The following COL6A2 variants were observed in gnomAD, a reference collection of about 807,000 sequenced individuals.
COL6A2 encodes the protein collagen alpha-2(VI) chain.
Under a neutral mutation model 124.9 loss-of-function variants are expected in COL6A2, and 90 were observed. The ratio of observed to expected loss-of-function variants is 0.72; its 90% CI spans 0.61 to 0.86. The LOEUF is 0.86. COL6A2 is among the 40% of genes least tolerant of loss of function. The probability of loss-of-function intolerance (pLI) is 0.00; values close to 1 mark genes in which losing one functional copy is unlikely to be tolerated. For missense variants in COL6A2, 1,607 were observed against 1,502.5 expected, an observed-to-expected ratio of 1.07 and a Z score of -1.15; for synonymous variants, 793 against 618.2, an observed-to-expected ratio of 1.28 and a Z score of -4.19.
At chr21:46,123,741 T>C (rs889775253) in intron 21 of COL6A2, among the ~76,000 whole-genome samples, 7 of 130,874 alleles carry the variant, frequency 5.3e-5, no homozygotes, top group Non-Finnish European at 1.3e-4. Context: ...GGTTAGATGA[T>C]GGATGGCTGA....
At chr21:46,121,224 AC>A in intron 17 of COL6A2, 101 bp downstream of exon 17, 1 of 1,199,122 alleles carries the variant, frequency 8.3e-7, no homozygotes, top group Non-Finnish European at 1.2e-6. Flanking sequence ...CCCATAGCAA[AC>A]CCAGGCAGCA....
At chr21:46,118,473 G>A (rs997186289) in intron 12 of COL6A2, 141 bp from the exon 13 acceptor site, 3 of 762,242 alleles carry the variant, frequency 3.9e-6, no homozygotes, top group Non-Finnish European at 6.8e-6. Flanking sequence ...CCCCCAGCCA[G>A]CATCTGGCAT....
chr21:46,114,136 T>C (rs2078440074), intron 5 of COL6A2, 63 bp downstream of exon 5: 2 of 1,450,754 alleles, frequency 1.4e-6, no homozygotes, highest in African/African-American at 1.4e-5. Flanking sequence ...TGTTTTGAAA[T>C]CCACACTTGG....
rs754148263 is a variant in COL6A2 at position 46,121,061 on chromosome 21, G to A, written c.1396G>A (p.Gly466Arg). 1 of 1,612,756 alleles carries A rather than the reference G, an allele frequency of 6.2e-7. No homozygotes were observed. Among genetic ancestry groups the A allele is most frequent in the Non-Finnish European group, 8.5e-7 (1 of 1,179,924 alleles). The change falls in exon 17 of 28, where the codon GGA (glycine) becomes AGA (arginine). Residue 466 changes from glycine (G) to arginine (R), a missense_variant and splice_region_variant. By Grantham distance (125) the Gly-to-Arg change is moderately radical. This residue lies in a region of COL6A2 where 1,223 missense variants were observed against 1,052.2 expected (regional missense o/e 1.16). Coordinates refer to ENST00000300527, the MANE Select transcript of COL6A2 (RefSeq NM_001849.4). Reference sequence around the variant, plus strand: ...CCCAAATTCCTCCCCTTTCTTCCAGGGAGACCGAGGCTTGCCTGGACCCAG... The same window carrying A: ...CCCAAATTCCTCCCCTTTCTTCCAGAGAGACCGAGGCTTGCCTGGACCCAG... ...AGEVGNKGAK[G>R]DRGLPGPRGP...
At position 46,106,966 on chromosome 21, in the gene COL6A2, A is replaced by T. The variant is rs536273931; in HGVS notation, c.-27-4484A>T. Among the ~76,000 whole-genome samples the T allele has an allele frequency of 1.8e-3, 277 of 152,328 alleles. 2 individuals are homozygous for T. Among genetic ancestry groups the T allele is most frequent in the Middle Eastern group, 0.01 (3 of 294 alleles). On this transcript the variant is annotated intron_variant, in intron 1 of 27. Coordinates refer to ENST00000300527, the MANE Select transcript of COL6A2 (RefSeq NM_001849.4). ...ACTTTAATTAAAATTGCATTCTATT[A>T]TAGATTCAGTTAGGAATAACTGATA... is the stretch of plus-strand genomic sequence containing the variant.
At position 46,121,144 on chromosome 21, in the gene COL6A2, C is replaced by T. The variant is rs546530760; in HGVS notation, c.1458+21C>T. 4.3e-6 allele frequency: 7 copies of T among 1,611,690 alleles called. No homozygotes were observed. In the South Asian group the frequency reaches 7.7e-5, roughly 18 times the overall value. ...AGCAGGTCAGTGTCAGTGCAGGAGG[C>T]CGGTGCCCTCTGACCCCACGGGTGG... On this transcript the variant is annotated intron_variant, in intron 17 of 27. Transcript: ENST00000300527.
intron 1 of COL6A2, among the ~76,000 whole-genome samples, chr21:46,098,436 C>A (rs1027886913): frequency 2.5e-5 from 3 of 119,346 alleles, no homozygotes; most frequent in African/African-American, 9.2e-5. Flanking sequence ...TCCTCTGGGG[C>A]GGAGCCGGCC....
Position 46,114,070 on chromosome 21 carries a change from G to A in COL6A2, c.798G>A (p.Gln266=). The A allele has an allele frequency of 6.2e-7, 1 of 1,613,254 alleles. No homozygotes were observed. The highest frequency in any genetic ancestry group is 8.5e-7 in the Non-Finnish European group (1 of 1,179,594). Residue 266 remains glutamine (Q), a synonymous_variant, in exon 5 of 28, where the codon CAG becomes CAA. Coordinates refer to ENST00000300527, the MANE Select transcript of COL6A2 (RefSeq NM_001849.4). The part of the protein sequence containing the change: ...GPSGPKGYRG[Q]KGAKGNMGEP... Reference sequence around the variant, plus strand: ...CTGGCCCCAAGGGCTACCGTGGACAGAAGGTAAGATGCCCAGATTACCTGC... The same window carrying A: ...CTGGCCCCAAGGGCTACCGTGGACAAAAGGTAAGATGCCCAGATTACCTGC...
At chr21:46,123,416 C>G (rs2078598603) in intron 21 of COL6A2, among the ~76,000 whole-genome samples, 1 of 152,056 alleles carries the variant, frequency 6.6e-6, no homozygotes, top group African/African-American at 2.4e-5. Context: ...AGAAGGTGCT[C>G]TGTGCCTCCA....
At position 46,129,512 on chromosome 21, in the gene COL6A2, CGGGCT is replaced by C. The variant is rs983983517; in HGVS notation, c.2462-2437_2462-2433del. ...GCTAAAGCCCGGGCACCCGCCCAGC[CGGGCT>C]GGGCCCTCCCTGCCACACTAGCTTC... On this transcript the variant is annotated intron_variant, in intron 27 of 27. Transcript: ENST00000300527. 3.3e-6 allele frequency: 5 copies of C among 1,532,208 alleles called. No homozygotes were observed. In the African/African-American group the frequency reaches 4.1e-5, roughly 13 times the overall value. 94.9% of individuals were successfully genotyped at this position (1,532,208 alleles called of 1,614,324 possible).
rs545711454 is a variant in COL6A2, at chr21:46,121,004, G to A, written c.1396-57G>A. 12 of 1,515,226 alleles carry A rather than the reference G, an allele frequency of 7.9e-6. No individual in the cohort carries two copies. The African/African-American group carries it at 1.5e-4, about 19-fold the overall frequency. The allele number at this position is 1,515,226 out of a possible 1,614,324, so 93.9% of individuals were successfully genotyped here. A position where few individuals can be genotyped will look rare whatever the true frequency, so the allele number is the denominator to read the frequency against. On this transcript the variant is annotated intron_variant, in intron 16 of 27. Coordinates refer to ENST00000300527, the MANE Select transcript of COL6A2 (RefSeq NM_001849.4). Reference sequence around the variant, plus strand: ...CAGTGTCCACAGGATTGATACTGGGGACTCCAGGGTGCTGCTGTCAGTCAA... The same window carrying A: ...CAGTGTCCACAGGATTGATACTGGGAACTCCAGGGTGCTGCTGTCAGTCAA...
intron 1 of COL6A2, among the ~76,000 whole-genome samples, chr21:46,104,179 AAC>A (rs1293336029): frequency 6.6e-6 from 1 of 152,176 alleles, no homozygotes; most frequent in Non-Finnish European, 1.5e-5. Flanking sequence ...AGGAAAAAAA[AAC>A]AACAGAAACT....
chr21:46,126,200 G>T lies in COL6A2; in HGVS notation c.2385G>T (p.Glu795Asp). Residue 795 changes from glutamate (E) to aspartate (D), a missense_variant, in exon 26 of 28, where the codon GAG becomes GAT. By Grantham distance (45) the Glu-to-Asp change is conservative. Coordinates refer to ENST00000300527, the MANE Select transcript of COL6A2 (RefSeq NM_001849.4). ...CGCTGTTCTCCGACCTGGTCGCTGA[G>T]AAGTTCATCGATGACATGGAGGACG... ...NMTLFSDLVA[E>D]KFIDDMEDVL... 6.2e-7 allele frequency: 1 copy of T among 1,602,780 alleles called. No individual in the cohort carries two copies. The highest frequency in any genetic ancestry group is 8.5e-7 in the Non-Finnish European group (1 of 1,179,638).
chr21:46,124,667 C>G lies in COL6A2; in HGVS notation c.1688C>G (p.Pro563Arg). Residue 563 changes from proline (P) to arginine (R), a missense_variant, in exon 22 of 28, where the codon CCT (proline) becomes CGT (arginine). By Grantham distance (103) the Pro-to-Arg change is moderately radical. Around this residue, in one of 3 missense-constraint regions of COL6A2, gnomAD observed 1,223 missense variants for 1,052.2 expected, o/e 1.16. Coordinates refer to ENST00000300527, the MANE Select transcript of COL6A2 (RefSeq NM_001849.4). Reference sequence around the variant, plus strand: ...CCTTCTCAGGCGGATCCTGGTCCCCCTGGTGAGCCAGGCCCTCGGGGGCCA... The same window carrying G: ...CCTTCTCAGGCGGATCCTGGTCCCCGTGGTGAGCCAGGCCCTCGGGGGCCA... ...EKGEPADPGP[P>R]GEPGPRGPRG... 6.2e-7 allele frequency: 1 copy of G among 1,612,978 alleles called. No individual in the cohort carries two copies. Among genetic ancestry groups the G allele is most frequent in the Non-Finnish European group, 8.5e-7 (1 of 1,179,932 alleles).
rs370348239 is a variant in COL6A2 at position 46,128,988 on chromosome 21, CCCTGCCAGCTT to C, written c.2461+2452_2461+2462del. On this transcript the variant is annotated intron_variant, in intron 27 of 27. Transcript: ENST00000300527. ...GTGCCACCGTGCGGGTCTCCTAGCT[CCCTGCCAGCTT>C]CCTGTCCCTGTGCTCACTGCCCCCA... 4.5e-4 allele frequency: 731 copies of C among 1,607,634 alleles called. 5 individuals carry two copies. In the African/African-American group the frequency reaches 9.0e-3, roughly 20 times the overall value.
intron 12 of COL6A2, among the ~76,000 whole-genome samples, 166 bp downstream of exon 12, chr21:46,118,102 T>C (rs993150460): frequency 1.3e-5 from 2 of 152,052 alleles, no homozygotes; most frequent in Non-Finnish European, 2.9e-5. Context: ...TGCCCGTTGC[T>C]TCATCAGCTT....
At chr21:46,106,816 T>TAAATGAA (rs2078339773) in intron 1 of COL6A2, among the ~76,000 whole-genome samples, 2 of 152,350 alleles carry the variant, frequency 1.3e-5, no homozygotes, top group South Asian at 4.1e-4. Context: ...TTTCATTTGA[T>TAAATGAA]AGCACAAGCT....
chr21:46,122,401 G>A (rs2078580714), intron 19 of COL6A2, 95 bp from the exon 20 acceptor site: 8 of 1,528,972 alleles, frequency 5.2e-6, no homozygotes, highest in South Asian at 2.2e-5. Context: ...GTGAATGAGC[G>A]AGGGAGGGAA....
Position 46,126,471 on chromosome 21 carries a change from T to TGGCCC in COL6A2, c.2423-28_2423-27insCGGCC, listed in dbSNP as rs773119720. The TGGCCC allele has an allele frequency of 2.6e-5, 41 of 1,599,952 alleles. No individual in the cohort carries two copies. The African/African-American group carries it at 5.0e-4, about 20-fold the overall frequency. Reference sequence around the variant, plus strand: ...CTGAGGGTTCGCTAGGGACTGACCCTGGCCTGGCCCGGCCTCTCTCCTCTC... The same window carrying TGGCCC: ...CTGAGGGTTCGCTAGGGACTGACCCTGGCCCGGCCTGGCCCGGCCTCTCTCCTCTC... On this transcript the variant is annotated intron_variant, in intron 26 of 27. Coordinates refer to ENST00000300527, the MANE Select transcript of COL6A2 (RefSeq NM_001849.4).
Sources: gnomAD v4.1 joint callset for allele counts (sites outside exome capture counted in the v4.1 genomes callset) on GRCh38, gnomAD v4.1.1 for gene constraint, gnomAD v4.1.1 regional missense constraint, MANE v1.5 for transcripts, NCBI Gene and HGNC (gene_info 2026-07-23, HGNC 2026-07-21) for gene names.